RAI14: variants seen among roughly 807,000 people sequenced by gnomAD.
The protein encoded by RAI14 is retinoic acid induced 14.
Under a neutral mutation model 115.4 loss-of-function variants are expected in RAI14, and 45 were observed. The observed-to-expected ratio is 0.39, with a 90% CI of 0.31 to 0.50. The LOEUF (loss-of-function observed/expected upper bound fraction) is 0.50. Among genes scored for constraint, RAI14 ranks in the 20% least tolerant of loss-of-function variants. The pLI, the probability that RAI14 is intolerant of heterozygous loss-of-function variation, is 0.85. For missense variants in RAI14, 939 were observed against 1,131.2 expected, an observed-to-expected ratio of 0.83 and a Z score of 2.44; for synonymous variants, 371 against 415.4, an observed-to-expected ratio of 0.89 and a Z score of 1.30.
chr5:34,749,802 T>A (rs1746755482), intron 2 of RAI14, among the ~76,000 whole-genome samples: 1 of 152,222 alleles, frequency 6.6e-6, no homozygotes, highest in Non-Finnish European at 1.5e-5. Flanking sequence ...CTTCCTGAAC[T>A]TGCAAGTATG....
intron 3 of RAI14, among the ~76,000 whole-genome samples, chr5:34,758,106 T>A (rs1748134533): frequency 1.3e-5 from 2 of 152,220 alleles, no homozygotes; most frequent in African/African-American, 4.8e-5. Flanking sequence ...GAGCATGTAT[T>A]TGTTTATATC....
chr5:34,668,710 A>G (rs896940201), intron 1 of RAI14, among the ~76,000 whole-genome samples: 1 of 152,214 alleles, frequency 6.6e-6, no homozygotes, highest in Admixed American at 6.5e-5. Flanking sequence ...ACTATTTAAA[A>G]TATCGGCATG....
intron 1 of RAI14, among the ~76,000 whole-genome samples, chr5:34,683,184 C>T (rs1744512304): frequency 2.0e-5 from 3 of 152,126 alleles, no homozygotes; most frequent in Non-Finnish European, 4.4e-5. Context: ...ATAACTTTAC[C>T]CCAGCTACAG....
intron 1 of RAI14, among the ~76,000 whole-genome samples, chr5:34,672,694 C>G (rs930366768): frequency 1.1e-4 from 17 of 152,088 alleles, no homozygotes; most frequent in African/African-American, 3.9e-4. Flanking sequence ...TAGGTGGTAT[C>G]TCTTCCAGGT....
intron 3 of RAI14, among the ~76,000 whole-genome samples, chr5:34,777,967 A>C (rs1456930495): frequency 6.6e-6 from 1 of 152,190 alleles, no homozygotes; most frequent in East Asian, 1.9e-4. Flanking sequence ...AGTTAGCAAC[A>C]ATGTCTTGTC....
intron 3 of RAI14, among the ~76,000 whole-genome samples, chr5:34,770,052 T>A (rs528254914): frequency 2.2e-4 from 33 of 152,288 alleles, no homozygotes; most frequent in Middle Eastern, 3.4e-3. Context: ...CTTTCTACTG[T>A]GCCAGTGGTC....
chr5:34,723,737 A>G (rs1342035816), intron 2 of RAI14, among the ~76,000 whole-genome samples: 4 of 152,184 alleles, frequency 2.6e-5, no homozygotes, highest in Admixed American at 2.6e-4. Flanking sequence ...TACATGTATA[A>G]CATCACTTAA....
At chr5:34,678,581 G>A (rs1242212495) in intron 1 of RAI14, among the ~76,000 whole-genome samples, 2 of 152,200 alleles carry the variant, frequency 1.3e-5, no homozygotes, top group African/African-American at 2.4e-5. Flanking sequence ...GGGCGAAGGC[G>A]TCCATCTACA....
At chr5:34,743,594 C>A (rs1039378684) in intron 2 of RAI14, among the ~76,000 whole-genome samples, 15 of 152,220 alleles carry the variant, frequency 9.9e-5, no homozygotes, top group Admixed American at 6.5e-5. Flanking sequence ...TTAGGACTTA[C>A]ATGTACGTAG....
In RAI14 at chr5:34,787,893, A is replaced by ATT. The variant is rs70973012; in HGVS notation, c.168-8007_168-8006dup. ...GGGTTTCTTAACCTGGATACTACTG[A>ATT]TTTTTTTTTTTTTTTTTTTTTTTTT... is the stretch of plus-strand genomic sequence containing the variant. On this transcript the variant is annotated intron_variant, in intron 3 of 17. Coordinates refer to ENST00000265109, the MANE Select transcript of RAI14 (RefSeq NM_015577.3). 6.2e-3 allele frequency among the ~76,000 whole-genome samples: 156 copies of ATT among 25,116 alleles called. 74 individuals are homozygous for ATT. Among genetic ancestry groups the ATT allele is most frequent in the Non-Finnish European group, 9.5e-3 (113 of 11,956 alleles). 16.5% of individuals were successfully genotyped at this position (25,116 alleles called of 152,430 possible).
intron 1 of RAI14, among the ~76,000 whole-genome samples, chr5:34,676,533 ACTTTT>A (rs1449331515): frequency 1.3e-5 from 2 of 152,058 alleles, no homozygotes; most frequent in Non-Finnish European, 2.9e-5. Flanking sequence ...TAACCTTGGG[ACTTTT>A]CTTTGGTAGG....
Position 34,826,380 on chromosome 5 carries a change from C to T in RAI14, c.2700C>T (p.Ser900=), listed in dbSNP as rs781007593. ...EVTKLKEALN[S]LSQLSYSTSS... is the part of the protein sequence containing the mutation. Reference sequence around the variant, plus strand: ...CCAAATTGAAGGAGGCCTTGAACAGCCTCTCCCAGCTCTCCTACTCAACAA... The same window carrying T: ...CCAAATTGAAGGAGGCCTTGAACAGTCTCTCCCAGCTCTCCTACTCAACAA... The change falls in exon 16 of 18, where the codon AGC becomes AGT. Residue 900 remains serine (S), a synonymous_variant. Coordinates refer to ENST00000265109, the MANE Select transcript of RAI14 (RefSeq NM_015577.3). The T allele has an allele frequency of 1.1e-5, 18 of 1,614,078 alleles. No homozygotes were observed. The highest frequency in any genetic ancestry group is 3.3e-4 in the Middle Eastern group (2 of 6,062).
At chr5:34,746,552 A>T (rs1236547446) in intron 2 of RAI14, among the ~76,000 whole-genome samples, 1 of 149,724 alleles carries the variant, frequency 6.7e-6, no homozygotes, top group East Asian at 2.0e-4. Flanking sequence ...TTACAGGTGC[A>T]TGCCACCACA....
intron 3 of RAI14, among the ~76,000 whole-genome samples, chr5:34,767,578 T>TGCCACC (rs1276205528): frequency 6.7e-6 from 1 of 150,062 alleles, no homozygotes; most frequent in Non-Finnish European, 1.5e-5. Flanking sequence ...ATGCTGTCGC[T>TGCCACC]GCCACCGCCA....
At chr5:34,717,655 A>T (rs984239464) in intron 2 of RAI14, among the ~76,000 whole-genome samples, 1 of 152,094 alleles carries the variant, frequency 6.6e-6, no homozygotes, top group African/African-American at 2.4e-5. Context: ...CAGATGTGGG[A>T]AGAGAGTGCA....
At chr5:34,724,659 G>A (rs887315956) in intron 2 of RAI14, among the ~76,000 whole-genome samples, 2 of 152,092 alleles carry the variant, frequency 1.3e-5, no homozygotes, top group African/African-American at 2.4e-5. Context: ...TAGGAAAAAA[G>A]GATGCTGCTT....
chr5:34,684,982 C>T (rs1243916958), intron 1 of RAI14: 2 of 151,252 alleles, frequency 1.3e-5, no homozygotes, highest in African/African-American at 2.4e-5. Flanking sequence ...GAAACTTTCA[C>T]ATAGATTATC....
At chr5:34,664,187 A>G (rs1159798284) in intron 1 of RAI14, among the ~76,000 whole-genome samples, 3 of 151,248 alleles carry the variant, frequency 2.0e-5, no homozygotes, top group Non-Finnish European at 4.4e-5. Flanking sequence ...TTATTTATTT[A>G]TTTTCTTAAA....
At chr5:34,800,543 A>G (rs991979297) in intron 4 of RAI14, among the ~76,000 whole-genome samples, 1 of 152,240 alleles carries the variant, frequency 6.6e-6, no homozygotes, top group African/African-American at 2.4e-5. Flanking sequence ...TGGTGTTAAT[A>G]GTAGCAATGA....
Sources: gnomAD v4.1 joint callset for allele counts (sites outside exome capture counted in the v4.1 genomes callset) on GRCh38, gnomAD v4.1.1 for gene constraint, MANE v1.5 for transcripts, NCBI Gene and HGNC (gene_info 2026-07-23, HGNC 2026-07-21) for gene names.